The following PTPRT variants were observed in gnomAD, a reference collection of about 807,000 sequenced individuals.
PTPRT encodes protein tyrosine phosphatase receptor type T, also known as receptor-type tyrosine-protein phosphatase T.
Under a neutral mutation model 176.8 loss-of-function variants are expected in PTPRT, and 56 were observed. The ratio of observed to expected loss-of-function variants is 0.32; its 90% CI spans 0.26 to 0.40. The LOEUF (loss-of-function observed/expected upper bound fraction) is 0.40, where lower values mean the gene tolerates loss of function less well. Ranked by LOEUF, PTPRT falls within the 10% of genes least tolerant of loss-of-function variation. The pLI, the probability that PTPRT is intolerant of heterozygous loss-of-function variation, is 1.00. For synonymous variants in PTPRT, 783 were observed against 739.0 expected, an observed-to-expected ratio of 1.06 and a Z score of -0.96; for missense variants, 1,540 against 1,908.2, an observed-to-expected ratio of 0.81 and a Z score of 3.60.
downstream of PTPRT, among the ~76,000 whole-genome samples, chr20:42,072,391 C>T (rs1412777378): frequency 6.6e-6 from 1 of 152,162 alleles, no homozygotes. Flanking sequence ...GCAGCCATAG[C>T]TAGCTGATAC....
At chr20:42,800,752 G>A (rs941164619) in intron 2 of PTPRT, among the ~76,000 whole-genome samples, 11 of 152,142 alleles carry the variant, frequency 7.2e-5, no homozygotes, top group Admixed American at 1.3e-4. Context: ...TGGAAAGGGG[G>A]AGAAAAGACA....
chr20:42,889,473 T>C (rs754771811), intron 1 of PTPRT, among the ~76,000 whole-genome samples: 1 of 152,238 alleles, frequency 6.6e-6, no homozygotes, highest in African/African-American at 2.4e-5. Flanking sequence ...GTCAATTCTA[T>C]TCCACTCTGC....
chr20:42,681,062 T>C (rs2075594633), intron 6 of PTPRT, among the ~76,000 whole-genome samples: 1 of 152,204 alleles, frequency 6.6e-6, no homozygotes, highest in Non-Finnish European at 1.5e-5. Context: ...ATAATTGGCA[T>C]TGTTTAGAAG....
intron 2 of PTPRT, among the ~76,000 whole-genome samples, chr20:42,801,638 G>A (rs1418649601): frequency 1.3e-5 from 2 of 152,208 alleles, no homozygotes; most frequent in African/African-American, 4.8e-5. Context: ...TTACAGGAAT[G>A]TGGAAAGTTC....
At chr20:42,937,508 C>T (rs206646) in intron 1 of PTPRT, among the ~76,000 whole-genome samples, 4,478 of 152,330 alleles carry the variant, frequency 0.029, 227 homozygotes, top group African/African-American at 0.1. Flanking sequence ...TCCAATGTTA[C>T]AGCTAGTTCT....
chr20:42,636,358 A>G (rs536730914), intron 7 of PTPRT, among the ~76,000 whole-genome samples: 1 of 152,276 alleles, frequency 6.6e-6, no homozygotes, highest in African/African-American at 2.4e-5. Flanking sequence ...CTTCAAACAG[A>G]TAGAATCATT....
chr20:42,350,230 T>TGTTTTG (rs1568799527), intron 11 of PTPRT, among the ~76,000 whole-genome samples: 10 of 78,624 alleles, frequency 1.3e-4, no homozygotes, highest in East Asian at 2.8e-4. Context: ...TTTTTTTTTT[T>TGTTTTG]TTTTTTTTTT....
At chr20:42,921,360 T>A (rs1979133041) in intron 1 of PTPRT, among the ~76,000 whole-genome samples, 1 of 152,182 alleles carries the variant, frequency 6.6e-6, no homozygotes, top group African/African-American at 2.4e-5. Context: ...ACAGAAAATG[T>A]AGACTTCCAC....
intron 1 of PTPRT, among the ~76,000 whole-genome samples, chr20:42,993,243 C>G (rs1443885991): frequency 6.6e-6 from 1 of 151,216 alleles, no homozygotes; most frequent in Non-Finnish European, 1.5e-5. Flanking sequence ...ATGGTGAAAC[C>G]CTGTCTCTAC....
intron 21 of PTPRT, 32 bp downstream of exon 21, chr20:42,118,371 C>T (rs1216087999): frequency 6.4e-7 from 1 of 1,556,154 alleles, no homozygotes; most frequent in South Asian, 1.2e-5. Flanking sequence ...TCTCCAGCAT[C>T]CTCTGCCCAG....
At chr20:42,735,749 C>T (rs539692784) in intron 6 of PTPRT, among the ~76,000 whole-genome samples, 1 of 151,960 alleles carries the variant, frequency 6.6e-6, no homozygotes, top group Non-Finnish European at 1.5e-5. Context: ...TGGCTGGGAG[C>T]CAGCCCTGCT....
chr20:42,084,617 G>A (rs1983685421), intron 29 of PTPRT, 65 bp downstream of exon 29: 2 of 1,313,556 alleles, frequency 1.5e-6, no homozygotes, highest in South Asian at 2.9e-5. Context: ...GTGGCCAGCA[G>A]CATCTGCAAG....
rs140266943 is a variant in PTPRT, at chr20:42,860,593, G to A, written c.214+25214C>T. ...ATTCCTTCTACAGTTCCTGCAAATT[G>A]TCTCTTAAGCCAATTCCTCAGGCTT... On this transcript the variant is annotated intron_variant, in intron 2 of 30. Transcript: ENST00000373187. 1.5e-3 allele frequency among the ~76,000 whole-genome samples: 223 copies of A among 152,218 alleles called. 1 individual carries two copies. The highest frequency in any genetic ancestry group is 5.1e-3 in the African/African-American group (214 of 41,556).
At chr20:42,328,431 C>G (rs2057916071) in intron 11 of PTPRT, among the ~76,000 whole-genome samples, 1 of 152,042 alleles carries the variant, frequency 6.6e-6, no homozygotes, top group East Asian at 1.9e-4. Flanking sequence ...CAAACTATTC[C>G]TCTAACATAC....
At chr20:43,153,183 C>G (rs1243756113) in intron 1 of PTPRT, among the ~76,000 whole-genome samples, 1 of 152,134 alleles carries the variant, frequency 6.6e-6, no homozygotes, top group Non-Finnish European at 1.5e-5. Flanking sequence ...AAGCTAATAT[C>G]TTGAGATACA....
chr20:42,133,956 T>A (rs1258565445), intron 18 of PTPRT, among the ~76,000 whole-genome samples: 1 of 152,184 alleles, frequency 6.6e-6, no homozygotes, highest in African/African-American at 2.4e-5. Context: ...ACTTAGAAAC[T>A]TGGTGCTCTC....
intron 6 of PTPRT, among the ~76,000 whole-genome samples, chr20:42,681,355 A>G (rs749706693): frequency 6.6e-5 from 10 of 152,184 alleles, no homozygotes; most frequent in Non-Finnish European, 1.0e-4. Context: ...AATCAGTGAT[A>G]ACAAAGTGTA....
intron 27 of PTPRT, among the ~76,000 whole-genome samples, chr20:42,088,711 C>T (rs1388379799): frequency 2.6e-5 from 4 of 152,210 alleles, no homozygotes; most frequent in African/African-American, 7.2e-5. Context: ...GCATCACCCA[C>T]AGAGTTGGGT....
intron 1 of PTPRT, among the ~76,000 whole-genome samples, chr20:42,955,811 A>AGGAGGGAG (rs1183703472): frequency 2.3e-4 from 29 of 127,102 alleles, no homozygotes; most frequent in African/African-American, 8.2e-4. Context: ...GTGAGGGAGA[A>AGGAGGGAG]GGAGGGAGGG....
Sources: gnomAD v4.1 joint callset for allele counts (sites outside exome capture counted in the v4.1 genomes callset) on GRCh38, gnomAD v4.1.1 for gene constraint, MANE v1.5 for transcripts, NCBI Gene and HGNC (gene_info 2026-07-23, HGNC 2026-07-21) for gene names.